The following CAMK1D variants were observed in gnomAD, a reference collection of about 807,000 sequenced individuals.
The protein encoded by CAMK1D is calcium/calmodulin dependent protein kinase ID, also known as calcium/calmodulin-dependent protein kinase type 1D.
Under a neutral mutation model 47.7 loss-of-function variants are expected in CAMK1D, and 9 were observed. The ratio of observed to expected loss-of-function variants is 0.19; its 90% confidence interval spans 0.11 to 0.33. The LOEUF is 0.33. Among genes scored for constraint, CAMK1D ranks in the 10% least tolerant of loss-of-function variants. The pLI, the probability that CAMK1D is intolerant of heterozygous loss-of-function variation, is 1.00. For missense variants in CAMK1D, 291 were observed against 488.7 expected (o/e 0.60, Z 3.81); for synonymous variants, 184 against 184.9 (o/e 0.99, Z 0.04).
At chr10:12,387,407 TTA>T (rs1272162949) in intron 1 of CAMK1D, among the ~76,000 whole-genome samples, 1 of 86,120 alleles carries the variant, frequency 1.2e-5, no homozygotes, top group Non-Finnish European at 2.3e-5. Context: ...TTTTTATATA[TTA>T]TATATATTTT....
rs1017387209 is a variant in CAMK1D, at chr10:12,774,066, G to A, written c.565+4267G>A. 4.0e-5 allele frequency among the ~76,000 whole-genome samples: 5 copies of A among 126,500 alleles called. No homozygotes were observed. The East Asian group carries it at 8.4e-4, about 21-fold the overall frequency. The allele number at this position is 126,500 out of a possible 152,430, so 83.0% of individuals were successfully genotyped here. Reference sequence around the variant, plus strand: ...TACCTTCTGTTCTGGGCACTGGTGCGGGGGGAGGGGGGCGGGTACATCAAT... The same window carrying A: ...TACCTTCTGTTCTGGGCACTGGTGCAGGGGGAGGGGGGCGGGTACATCAAT... On this transcript the variant is annotated intron_variant, in intron 5 of 10. Transcript: ENST00000619168.
chr10:12,726,886 G>A (rs1350508782), intron 3 of CAMK1D, among the ~76,000 whole-genome samples: 2 of 152,208 alleles, frequency 1.3e-5, no homozygotes, highest in African/African-American at 2.4e-5. Context: ...GCACGTGTTC[G>A]TGCATCCAGG....
At chr10:12,370,185 C>T (rs1017690419) in intron 1 of CAMK1D, among the ~76,000 whole-genome samples, 2 of 152,006 alleles carry the variant, frequency 1.3e-5, no homozygotes, top group Non-Finnish European at 2.9e-5. Flanking sequence ...CCTGTTGCCT[C>T]GTTGTCGCTG....
chr10:12,354,823 A>T (rs529337655), intron 1 of CAMK1D, among the ~76,000 whole-genome samples: 81 of 144,570 alleles, frequency 5.6e-4, no homozygotes, highest in African/African-American at 2.0e-3. Flanking sequence ...GGTGCAGCTC[A>T]TTTCTGTTTG....
At chr10:12,537,118 C>T (rs1461807701) in intron 1 of CAMK1D, among the ~76,000 whole-genome samples, 1 of 152,106 alleles carries the variant, frequency 6.6e-6, no homozygotes. Flanking sequence ...GTTGCCCAGG[C>T]TGGAGTGCAG....
chr10:12,358,341 C>T (rs1837573058), intron 1 of CAMK1D, among the ~76,000 whole-genome samples: 1 of 152,090 alleles, frequency 6.6e-6, no homozygotes, highest in South Asian at 2.1e-4. Context: ...AGTTCAACAC[C>T]TGGCCAACAT....
At chr10:12,468,126 G>A (rs573980176) in intron 1 of CAMK1D, among the ~76,000 whole-genome samples, 1 of 72,756 alleles carries the variant, frequency 1.4e-5, no homozygotes, top group South Asian at 4.7e-4. Context: ...TGCCATCATG[G>A]CGCACTGCAG....
At chr10:12,791,309 T>C (rs916189258) in intron 6 of CAMK1D, 76 bp downstream of exon 6, 43 of 1,333,120 alleles carry the variant, frequency 3.2e-5, no homozygotes, top group Non-Finnish European at 4.6e-5. Context: ...TGAAACAAAA[T>C]TTACCATTTT....
intron 1 of CAMK1D, among the ~76,000 whole-genome samples, chr10:12,385,252 C>A (rs112197569): frequency 1.3e-5 from 2 of 152,222 alleles, no homozygotes; most frequent in African/African-American, 4.8e-5. Flanking sequence ...CCTAGGTATA[C>A]ATCTAAGAGA....
intron 1 of CAMK1D, among the ~76,000 whole-genome samples, chr10:12,400,833 T>C (rs1386029140): frequency 2.0e-5 from 3 of 150,676 alleles, no homozygotes; most frequent in Non-Finnish European, 4.4e-5. Context: ...GTACCTTTCC[T>C]GGGCCAGGCA....
intron 1 of CAMK1D, among the ~76,000 whole-genome samples, chr10:12,437,963 C>T (rs1213299716): frequency 1.3e-5 from 2 of 152,214 alleles, no homozygotes; most frequent in Non-Finnish European, 2.9e-5. Flanking sequence ...GAGCTGGTCA[C>T]ATAGGCACCT....
intron 1 of CAMK1D, among the ~76,000 whole-genome samples, chr10:12,399,464 AC>A (rs1295857777): frequency 6.6e-6 from 1 of 151,912 alleles, no homozygotes; most frequent in Non-Finnish European, 1.5e-5. Context: ...AGATCGCACC[AC>A]TGCACTCTTG....
rs139934376 is a variant in CAMK1D, at chr10:12,800,846, G to A, written c.641+9613G>A. Among the ~76,000 whole-genome samples, 77 of 152,270 alleles carry A rather than the reference G, an allele frequency of 5.1e-4. 1 individual carries two copies. The highest frequency in any genetic ancestry group is 1.3e-4 in the Non-Finnish European group (9 of 68,032). On this transcript the variant is annotated intron_variant, in intron 6 of 10. Transcript: ENST00000619168. The stretch of plus-strand genomic sequence containing the variant: ...TCTGTCATCATGTTCATAATACAGC[G>A]CTCAGAATAATGACCAGAGGCAGCG...
At chr10:12,625,628 G>GGCC (rs368377614) in intron 2 of CAMK1D, among the ~76,000 whole-genome samples, 1 of 88,134 alleles carries the variant, frequency 1.1e-5, no homozygotes, top group African/African-American at 4.3e-5. Flanking sequence ...CCCACGCCCC[G>GGCC]CCCCTCTGCC....
intron 2 of CAMK1D, among the ~76,000 whole-genome samples, chr10:12,653,628 G>A (rs187343978): frequency 7.5e-4 from 114 of 152,332 alleles, no homozygotes; most frequent in Non-Finnish European, 1.5e-3. Context: ...TTCCCAGAAT[G>A]ATGAGGAACA....
intron 7 of CAMK1D, among the ~76,000 whole-genome samples, 191 bp from the exon 8 acceptor site, chr10:12,816,059 A>G (rs996789142): frequency 6.6e-6 from 1 of 152,172 alleles, no homozygotes; most frequent in Non-Finnish European, 1.5e-5. Context: ...GGGCCACCCT[A>G]GAGTGCCAAG....
chr10:12,792,710 TGTC>T (rs1394822478), intron 6 of CAMK1D, among the ~76,000 whole-genome samples: 1 of 152,234 alleles, frequency 6.6e-6, no homozygotes. Context: ...TGTAGATTCT[TGTC>T]GTTATCACAG....
At chr10:12,486,170 T>A (rs1396569831) in intron 1 of CAMK1D, among the ~76,000 whole-genome samples, 2 of 151,612 alleles carry the variant, frequency 1.3e-5, no homozygotes, top group Admixed American at 6.6e-5. Flanking sequence ...TCTCTTTTTT[T>A]TTTTTTGAGA....
At chr10:12,370,177 T>C (rs186085926) in intron 1 of CAMK1D, among the ~76,000 whole-genome samples, 1 of 152,222 alleles carries the variant, frequency 6.6e-6, no homozygotes, top group East Asian at 1.9e-4. Context: ...GAAGCATTCC[T>C]GTTGCCTCGT....
Sources: allele counts gnomAD v4.1 joint callset (sites outside exome capture counted in the v4.1 genomes callset), GRCh38; gene constraint gnomAD v4.1.1; transcripts MANE v1.5; gene names NCBI Gene and HGNC (gene_info 2026-07-23, HGNC 2026-07-21).